STK40: variants seen among roughly 807,000 people sequenced by gnomAD.
The protein encoded by STK40 is serine/threonine kinase 40.
A neutral mutation model predicts 47.9 loss-of-function variants in STK40; 13 were observed. That is an observed-to-expected ratio of 0.27 (90% confidence interval 0.18 to 0.43). The LOEUF (loss-of-function observed/expected upper bound fraction) is 0.43. Among genes scored for constraint, STK40 ranks in the 20% least tolerant of loss-of-function variants. The probability of loss-of-function intolerance (pLI) is 1.00; values close to 1 mark genes in which losing one functional copy is unlikely to be tolerated. For synonymous variants in STK40, 225 were observed against 243.2 expected (o/e 0.93, Z 0.69); for missense variants, 460 against 595.1 (o/e 0.77, Z 2.36).
rs1557511708 is a variant in STK40 at position 36,355,420 on chromosome 1, T to C, written c.356A>G (p.Glu119Gly). 1 of 1,614,178 alleles carries C rather than the reference T, an allele frequency of 6.2e-7. No homozygotes were observed. The change falls in exon 5 of 11, where the codon GAA becomes GGA. Residue 119 changes from glutamate to glycine, a missense_variant. Transcript: ENST00000373132. ...HHGLFQDRTC[E>G]IVEDTESSRM... Reference sequence around the variant, plus strand: ...GCTGGATTCTGTGTCCTCAACGATTTCACAGGTGCGGTCCTGGGAGGCAAG... The same window carrying C: ...GCTGGATTCTGTGTCCTCAACGATTCCACAGGTGCGGTCCTGGGAGGCAAG...
intron 6 of STK40, among the ~76,000 whole-genome samples, chr1:36,350,724 G>C (rs914619043): frequency 6.6e-6 from 1 of 152,380 alleles, no homozygotes; most frequent in South Asian, 2.1e-4. Context: ...CGGTAGGGGA[G>C]AGGTGCCATG....
At chr1:36,354,565 G>T (rs778013887) in intron 5 of STK40, 149 bp from the exon 6 acceptor site, 6 of 791,014 alleles carry the variant, frequency 7.6e-6, no homozygotes, top group African/African-American at 3.4e-5. Context: ...GGCAGATCAG[G>T]ACAGTTCTAA....
In STK40 at chr1:36,341,982, C is replaced by T. The variant is rs753269282; in HGVS notation, c.1090-9G>A. The stretch of plus-strand genomic sequence containing the variant: ...TCCTCCGTCACCTTCGCCTTTGAGG[C>T]GGGGAGGGTGGGAAGGAGACAAAGA... On this transcript the variant is annotated splice_polypyrimidine_tract_variant and intron_variant, in intron 10 of 10. Transcript: ENST00000373132. 7.5e-6 allele frequency: 12 copies of T among 1,607,222 alleles called. No homozygotes were observed. Among genetic ancestry groups the T allele is most frequent in the East Asian group, 2.2e-5 (1 of 44,616 alleles).
At chr1:36,352,574 A>G (rs1342230667) in intron 6 of STK40, among the ~76,000 whole-genome samples, 1 of 151,950 alleles carries the variant, frequency 6.6e-6, no homozygotes, top group African/African-American at 2.4e-5. Context: ...GTCCTCCTCA[A>G]CTCACTCACT....
intron 4 of STK40, 82 bp downstream of exon 4, chr1:36,358,157 C>A: frequency 6.8e-7 from 1 of 1,461,178 alleles, no homozygotes; most frequent in South Asian, 1.5e-5. Context: ...GTGAGCTGCT[C>A]GTATGGCTGT....
intron 1 of STK40, among the ~76,000 whole-genome samples, chr1:36,364,259 T>TA (rs144589214): frequency 0.036 from 5,531 of 152,186 alleles, 351 homozygotes; most frequent in African/African-American, 0.13. Flanking sequence ...GGGGCACATT[T>TA]AAAAAAAATC....
intron 4 of STK40, among the ~76,000 whole-genome samples, chr1:36,357,617 G>C (rs1028886490): frequency 6.6e-6 from 1 of 152,042 alleles, no homozygotes; most frequent in African/African-American, 2.4e-5. Context: ...TTAAAAAAAA[G>C]GACAAGGGGG....
rs193187328 is a variant in STK40 at position 36,376,230 on chromosome 1, G to A, written c.-9+9493C>T. 1.8e-3 allele frequency among the ~76,000 whole-genome samples: 267 copies of A among 152,210 alleles called. 3 individuals are homozygous for A. Among genetic ancestry groups the A allele is most frequent in the Non-Finnish European group, 6.0e-4 (41 of 68,016 alleles). On this transcript the variant is annotated intron_variant, in intron 1 of 10. Transcript: ENST00000373132. ...CCAAGAGCTGGACACGGCAGATCAC[G>A]AGGGCCAGCAGCCACCAGTGAAAGA...
At chr1:36,372,423 CAAAAAAAAAA>C (rs796595993) in intron 1 of STK40, among the ~76,000 whole-genome samples, 80 of 39,614 alleles carry the variant, frequency 2.0e-3, no homozygotes, top group African/African-American at 4.7e-3. Flanking sequence ...GACCTTGTCT[CAAAAAAAAAA>C]AAAAAAAAAA....
intron 1 of STK40, among the ~76,000 whole-genome samples, chr1:36,383,907 C>G (rs570159172): frequency 2.6e-5 from 4 of 152,256 alleles, no homozygotes; most frequent in Admixed American, 1.3e-4. Flanking sequence ...ATCACTTCTG[C>G]CAAGCCTTTT....
At chr1:36,359,082 C>G (rs896364795) in intron 2 of STK40, among the ~76,000 whole-genome samples, 1 of 152,080 alleles carries the variant, frequency 6.6e-6, no homozygotes, top group Admixed American at 6.5e-5. Context: ...CCTGGGTGCA[C>G]GCTGGAATGT....
At chr1:36,346,909 T>C (rs1374835077) in intron 7 of STK40, among the ~76,000 whole-genome samples, 1 of 152,162 alleles carries the variant, frequency 6.6e-6, no homozygotes, top group East Asian at 1.9e-4. Flanking sequence ...CCTGGCTCTA[T>C]CTCCTATGGG....
intron 4 of STK40, among the ~76,000 whole-genome samples, chr1:36,356,444 G>A (rs1385860643): frequency 5.3e-5 from 3 of 56,408 alleles, no homozygotes; most frequent in African/African-American, 2.3e-4. Flanking sequence ...TTTTTTTTGT[G>A]AGACGGAGTC....
chr1:36,379,243 C>T (rs1168376434), intron 1 of STK40, among the ~76,000 whole-genome samples: 1 of 152,112 alleles, frequency 6.6e-6, no homozygotes, highest in African/African-American at 2.4e-5. Context: ...ATGCCAAGAC[C>T]CCTTCTCAGT....
chr1:36,351,666 TCA>T (rs1027213936), intron 6 of STK40, among the ~76,000 whole-genome samples: 1 of 152,078 alleles, frequency 6.6e-6, no homozygotes, highest in Non-Finnish European at 1.5e-5. Flanking sequence ...GAGCACGCAC[TCA>T]CACTCACAGC....
At chr1:36,355,651 AG>A (rs1399853873) in intron 4 of STK40, among the ~76,000 whole-genome samples, 2 of 152,208 alleles carry the variant, frequency 1.3e-5, no homozygotes, top group Admixed American at 1.3e-4. Context: ...AGGACCAGCA[AG>A]AGGCTGAAGC....
intron 4 of STK40, among the ~76,000 whole-genome samples, chr1:36,355,922 G>A (rs780572611): frequency 6.6e-6 from 1 of 152,124 alleles, no homozygotes; most frequent in Non-Finnish European, 1.5e-5. Context: ...TTTTCCTCAA[G>A]TGCCTTCCTG....
chr1:36,359,381 G>A (rs924654658), intron 2 of STK40, among the ~76,000 whole-genome samples: 1 of 152,178 alleles, frequency 6.6e-6, no homozygotes, highest in African/African-American at 2.4e-5. Flanking sequence ...ACTCCAGCCA[G>A]GGCAACAGAA....
chr1:36,355,501 C>A (rs1646795849), intron 4 of STK40, 68 bp from the exon 5 acceptor site: 4 of 1,525,622 alleles, frequency 2.6e-6, no homozygotes, highest in Non-Finnish European at 1.8e-6. Context: ...GGGCCTGGGA[C>A]TCTCCTCTGG....
Sources: gnomAD v4.1 joint callset for allele counts (sites outside exome capture counted in the v4.1 genomes callset) on GRCh38, gnomAD v4.1.1 for gene constraint, MANE v1.5 for transcripts, NCBI Gene and HGNC (gene_info 2026-07-23, HGNC 2026-07-21) for gene names.